The following COMMD5 variants were observed in gnomAD, a reference collection of about 807,000 sequenced individuals.
COMMD5 encodes COMM domain-containing protein 5.
Under a neutral mutation model 6.9 loss-of-function variants are expected in COMMD5, and 10 were observed. The ratio of observed to expected loss-of-function variants is 1.44; its 90% confidence interval spans 0.89 to 2.45. The LOEUF (loss-of-function observed/expected upper bound fraction) is 2.45. COMMD5 is among the 30% of genes most tolerant of loss of function. The probability of loss-of-function intolerance (pLI) is 0.00; values close to 1 mark genes in which losing one functional copy is unlikely to be tolerated. For synonymous variants in COMMD5, 127 were observed against 125.3 expected, an observed-to-expected ratio of 1.01 and a Z score of -0.09; for missense variants, 234 against 287.8, an observed-to-expected ratio of 0.81 and a Z score of 1.35.
chr8:144,851,283 C>T lies in COMMD5; in HGVS notation c.56G>A (p.Ser19Asn), dbSNP rs150162015. Reference sequence around the variant, plus strand: ...GGCCCCCAAGAAACTCACTCGGCCACTGTGACTATCACCAGGATGATGCAG... The same window carrying T: ...GGCCCCCAAGAAACTCACTCGGCCATTGTGACTATCACCAGGATGATGCAG... ...PYLHHPGDSH[S>N]GRVSFLGAQL... Residue 19 changes from serine (S) to asparagine (N), a missense_variant, in exon 2 of 2, where the codon AGT becomes AAT. Transcript: ENST00000305103. 2.2e-5 allele frequency: 36 copies of T among 1,614,042 alleles called. No individual in the cohort carries two copies. The African/African-American group carries it at 3.7e-4, about 17-fold the overall frequency.
chr8:144,838,337 A>G (rs1829332210), downstream of COMMD5: 1 of 568,622 alleles, frequency 1.8e-6, no homozygotes, highest in Non-Finnish European at 3.2e-6. Context: ...GAGGTGCTTC[A>G]AGTTAGGACT....
chr8:144,851,322 G>A lies in COMMD5; in HGVS notation c.17C>T (p.Ala6Val). MSAVG[A>V]ATPYLHHPGD... The stretch of plus-strand genomic sequence containing the variant: ...AGGATGATGCAGGTATGGAGTTGCA[G>A]CCCCCACAGCAGACATTGCTGCTGC... Residue 6 changes from alanine (A) to valine (V), a missense_variant, in exon 2 of 2, where the codon GCT becomes GTT. By Grantham distance (64) the Ala-to-Val change is moderately conservative. Transcript: ENST00000305103. 1 of 1,609,748 alleles carries A rather than the reference G, an allele frequency of 6.2e-7. No individual in the cohort carries two copies. The highest frequency in any genetic ancestry group is 1.3e-5 in the African/African-American group (1 of 74,974).
chr8:144,843,457 A>G (rs2955207), intron 1 of COMMD5: 9,646 of 243,760 alleles, frequency 0.04, 241 homozygotes, highest in African/African-American at 0.067. Flanking sequence ...GCGTGGTGGC[A>G]GGCACCTGTG....
At chr8:144,838,306 T>G, downstream of COMMD5, 3 of 585,984 alleles carry the variant, frequency 5.1e-6, no homozygotes, top group Non-Finnish European at 9.2e-6. Context: ...ACGACTGTGT[T>G]TCCAAACAAG....
chr8:144,846,619 G>A (rs1830523526), downstream of COMMD5: 1 of 164,234 alleles, frequency 6.1e-6, no homozygotes, highest in African/African-American at 2.4e-5. Context: ...CTGAGAATAA[G>A]GCAGCTGGGT....
intron 1 of COMMD5, among the ~76,000 whole-genome samples, chr8:144,852,126 G>A (rs1447457629): frequency 7.2e-6 from 1 of 138,540 alleles, no homozygotes; most frequent in Non-Finnish European, 1.6e-5. Context: ...GGACAACAGA[G>A]ATGCTGTGAG....
At chr8:144,838,086 C>G (rs1829286063), downstream of COMMD5, 3 of 703,024 alleles carry the variant, frequency 4.3e-6, no homozygotes, top group Non-Finnish European at 7.8e-6. Context: ...GGGAAGGATC[C>G]TGTCCTGCCT....
intron 1 of COMMD5, chr8:144,842,582 C>T: frequency 6.2e-7 from 1 of 1,614,242 alleles, no homozygotes; most frequent in Non-Finnish European, 8.5e-7. Context: ...CGAATCCACA[C>T]TGGAGAGAAA....
At position 144,843,004 on chromosome 8, in the gene COMMD5, C is replaced by G. The variant is rs778420738; in HGVS notation, c.*117-1261G>C. The G allele has an allele frequency of 1.9e-6, 3 of 1,614,070 alleles. No homozygotes were observed. In the East Asian group the frequency reaches 6.7e-5, roughly 36 times the overall value. On this transcript the variant is annotated intron_variant and NMD_transcript_variant, in intron 1 of 1. Transcript: ENST00000530332. ...TAAAAAGGTTAATACTATAAAGAAA[C>G]TGCATCAGTGTGAAGACTGTGAGAA...
At chr8:144,846,009 A>G (rs1178552404), downstream of COMMD5, 2 of 1,536,538 alleles carry the variant, frequency 1.3e-6, no homozygotes. Flanking sequence ...ATGGGACAAG[A>G]GCCAAGGCAC....
intron 1 of COMMD5, chr8:144,841,900 C>T (rs1314641319): frequency 1.2e-6 from 2 of 1,614,010 alleles, no homozygotes; most frequent in Admixed American, 1.7e-5. Context: ...CTGCTCGCAG[C>T]TTAATCAGCA....
chr8:144,853,251 T>C (rs1460827130), upstream of COMMD5: 1 of 151,636 alleles, frequency 6.6e-6, no homozygotes, highest in Non-Finnish European at 1.5e-5. Context: ...GAAGGCGGTG[T>C]TGTGTTTCCG....
intron 1 of COMMD5, chr8:144,843,387 A>G (rs1344300668): frequency 4.1e-6 from 2 of 488,254 alleles, no homozygotes; most frequent in East Asian, 3.5e-5. Context: ...CAGGAGGTTG[A>G]GACCATCCTG....
At chr8:144,848,223 GT>G (rs930961875), downstream of COMMD5, among the ~76,000 whole-genome samples, 36 of 151,966 alleles carry the variant, frequency 2.4e-4, no homozygotes, top group African/African-American at 7.0e-4. Flanking sequence ...TGGTGTGCCT[GT>G]GAGCCCAGGA....
At chr8:144,845,967 TC>T, downstream of COMMD5, 3 of 1,536,042 alleles carry the variant, frequency 2.0e-6, no homozygotes, top group Non-Finnish European at 2.6e-6. Flanking sequence ...TGTTGCTTTT[TC>T]TCTACTTCAG....
At chr8:144,842,300 C>G (rs1476943042) in intron 1 of COMMD5, 1 of 1,613,982 alleles carries the variant, frequency 6.2e-7, no homozygotes, top group South Asian at 1.1e-5. Context: ...TCAGACAGTC[C>G]AAGCCTTGTT....
intron 1 of COMMD5, chr8:144,842,214 G>A: frequency 1.2e-6 from 2 of 1,613,796 alleles, no homozygotes; most frequent in Non-Finnish European, 1.7e-6. Flanking sequence ...AGTGTGGGAA[G>A]GCCTTCAGCC....
exon 2 of COMMD5, chr8:144,841,583 T>G: frequency 6.2e-7 from 1 of 1,614,118 alleles, no homozygotes; most frequent in African/African-American, 1.3e-5. Flanking sequence ...GAGACTGTGG[T>G]TCCCAAGACC....
chr8:144,848,878 T>C (rs909767052), downstream of COMMD5, among the ~76,000 whole-genome samples: 1 of 152,184 alleles, frequency 6.6e-6, no homozygotes, highest in African/African-American at 2.4e-5. Flanking sequence ...GTCCCAGGAA[T>C]GGCCCACTCC....
Sources: gnomAD v4.1 joint callset for allele counts (sites outside exome capture counted in the v4.1 genomes callset) on GRCh38, gnomAD v4.1.1 for gene constraint, MANE v1.5 for transcripts, NCBI Gene and HGNC (gene_info 2026-07-23, HGNC 2026-07-21) for gene names.